The following IQSEC1 variants were observed in gnomAD, a reference collection of about 807,000 sequenced individuals.
IQSEC1 encodes IQ motif and Sec7 domain ArfGEF 1, also known as IQ motif and SEC7 domain-containing protein 1.
IQSEC1 carries 31 observed loss-of-function variants against 91.0 expected under a neutral mutation model. That is an observed-to-expected ratio of 0.34 (90% CI 0.26 to 0.46). The LOEUF (loss-of-function observed/expected upper bound fraction) is 0.46, where lower values mean the gene tolerates loss of function less well. Among genes scored for constraint, IQSEC1 ranks in the 20% least tolerant of loss-of-function variants. IQSEC1 has a pLI of 1.00. For synonymous variants in IQSEC1, 699 were observed against 662.6 expected (o/e 1.05, Z -0.84); for missense variants, 1,388 against 1,575.6 (o/e 0.88, Z 2.02).
Position 13,061,437 on chromosome 3 carries a change from C to T in IQSEC1, c.23+11555G>A, listed in dbSNP as rs532250841. Among the ~76,000 whole-genome samples the T allele has an allele frequency of 3.9e-5, 6 of 152,302 alleles. No individual in the cohort carries two copies. The East Asian group carries it at 9.6e-4, about 24-fold the overall frequency. On this transcript the variant is annotated intron_variant, in intron 1 of 13. Transcript: ENST00000613206. ...AGATAAAATGGTAAGAATAAGTGTTCGTTTATAGGTCCCAGTTGGCAAAGC... is the reference window on the plus strand; with the variant it reads ...AGATAAAATGGTAAGAATAAGTGTTTGTTTATAGGTCCCAGTTGGCAAAGC...
At chr3:12,925,186 C>T (rs1431882759) in intron 3 of IQSEC1, among the ~76,000 whole-genome samples, 3 of 152,210 alleles carry the variant, frequency 2.0e-5, no homozygotes, top group East Asian at 3.8e-4. Context: ...CCCTGTCCGG[C>T]CCAACTCCCT....
intron 1 of IQSEC1, among the ~76,000 whole-genome samples, chr3:13,198,710 C>A (rs953240424): frequency 6.6e-6 from 1 of 152,250 alleles, no homozygotes; most frequent in Non-Finnish European, 1.5e-5. Context: ...GGGCAAGGCA[C>A]TGCCATGTCT....
rs550593420 is a variant in IQSEC1, at chr3:13,123,957, C to T, written c.302+40147G>A. On this transcript the variant is annotated intron_variant, in intron 2 of 15. Transcript: ENST00000648114. ...TTTTGTAAATAAAGTTTTATTGGAA[C>T]GCAGCCACACCTGTTCATTTCTGCA... is the stretch of plus-strand genomic sequence containing the variant. 9.2e-5 allele frequency among the ~76,000 whole-genome samples: 14 copies of T among 152,348 alleles called. No homozygotes were observed. The South Asian group carries it at 1.7e-3, about 18-fold the overall frequency.
intron 1 of IQSEC1, among the ~76,000 whole-genome samples, chr3:13,013,905 A>G (rs1027780740): frequency 4.0e-5 from 6 of 151,560 alleles, no homozygotes; most frequent in Non-Finnish European, 7.4e-5. Flanking sequence ...TTCACAGGTG[A>G]GGACATGAGG....
intron 1 of IQSEC1, chr3:13,015,468 A>G: frequency 1.5e-6 from 1 of 661,560 alleles, no homozygotes; most frequent in Non-Finnish European, 1.9e-6. Context: ...AACTCTGACG[A>G]CAGCCCCCAA....
At chr3:13,234,825 C>G (rs1298740505) in intron 1 of IQSEC1, among the ~76,000 whole-genome samples, 1 of 152,172 alleles carries the variant, frequency 6.6e-6, no homozygotes, top group Non-Finnish European at 1.5e-5. Context: ...ATGTATGCTA[C>G]TATTGAGGTC....
intron 1 of IQSEC1, among the ~76,000 whole-genome samples, chr3:13,223,224 T>C (rs1576300698): frequency 6.6e-6 from 1 of 152,274 alleles, no homozygotes; most frequent in South Asian, 2.1e-4. Context: ...TCCTGCATAA[T>C]TGGCTTCTTC....
chr3:13,045,521 A>T (rs1704462177), intron 1 of IQSEC1, among the ~76,000 whole-genome samples: 1 of 152,148 alleles, frequency 6.6e-6, no homozygotes, highest in Non-Finnish European at 1.5e-5. Context: ...GCACTGGGGC[A>T]TTGGCTCTGA....
At chr3:13,022,028 G>A (rs1022294738) in intron 1 of IQSEC1, 16 of 1,231,274 alleles carry the variant, frequency 1.3e-5, no homozygotes, top group African/African-American at 3.1e-5. Flanking sequence ...CACGCGTCCC[G>A]GTACCTGAGT....
chr3:13,128,042 A>T (rs1706547647), intron 2 of IQSEC1, among the ~76,000 whole-genome samples: 1 of 151,998 alleles, frequency 6.6e-6, no homozygotes, highest in Non-Finnish European at 1.5e-5. Context: ...GAATTCATTC[A>T]TTTTTTTCTG....
chr3:12,934,568 C>T (rs1250474616), intron 3 of IQSEC1, among the ~76,000 whole-genome samples: 2 of 152,106 alleles, frequency 1.3e-5, no homozygotes, highest in African/African-American at 2.4e-5. Flanking sequence ...CAGGAACCAC[C>T]AGCCCAGGGG....
At chr3:12,919,457 C>T (rs532775343) in intron 6 of IQSEC1, among the ~76,000 whole-genome samples, 1 of 152,310 alleles carries the variant, frequency 6.6e-6, no homozygotes, top group East Asian at 1.9e-4. Flanking sequence ...CAGCGGCACC[C>T]GCCACCAGGG....
intron 1 of IQSEC1, among the ~76,000 whole-genome samples, chr3:13,070,115 C>T (rs551993397): frequency 3.9e-5 from 6 of 152,154 alleles, no homozygotes; most frequent in Non-Finnish European, 8.8e-5. Context: ...GGGGGCCCGC[C>T]GGCAGGGCTC....
intron 1 of IQSEC1, among the ~76,000 whole-genome samples, chr3:12,946,718 T>C (rs1699205903): frequency 6.6e-6 from 1 of 152,140 alleles, no homozygotes; most frequent in African/African-American, 2.4e-5. Context: ...ATAAGATGAA[T>C]GTGAGCTGAT....
intron 2 of IQSEC1, among the ~76,000 whole-genome samples, chr3:13,091,860 T>C (rs1314466062): frequency 3.4e-5 from 5 of 148,916 alleles, no homozygotes; most frequent in Admixed American, 6.7e-5. Context: ...ACATCCTCTG[T>C]GGAAGCCTAG....
rs1220386476 is a variant in IQSEC1 at position 13,154,462 on chromosome 3, T to C, written c.302+9642A>G. On this transcript the variant is annotated intron_variant, in intron 2 of 15. Coordinates refer to the IQSEC1 transcript ENST00000648114. Reference sequence around the variant, plus strand: ...GCATATATATATATATATATATATATATATATATATATATGCAAAAACTGA... The same window carrying C: ...GCATATATATATATATATATATATACATATATATATATATGCAAAAACTGA... 7.7e-5 allele frequency among the ~76,000 whole-genome samples: 9 copies of C among 116,434 alleles called. 3 individuals carry two copies. Among genetic ancestry groups the C allele is most frequent in the African/African-American group, 1.7e-4 (5 of 29,384 alleles). 76.4% of individuals were successfully genotyped at this position (116,434 alleles called of 152,430 possible).
chr3:13,203,981 A>G (rs57002667), intron 1 of IQSEC1, among the ~76,000 whole-genome samples: 31,301 of 152,208 alleles, frequency 0.21, 4,167 homozygotes, highest in African/African-American at 0.38. Context: ...CCTGTCTCCA[A>G]GTGAGCCAAA....
intron 1 of IQSEC1, among the ~76,000 whole-genome samples, chr3:13,277,703 G>A (rs1290384240): frequency 6.6e-6 from 1 of 152,218 alleles, no homozygotes; most frequent in Non-Finnish European, 1.5e-5. Context: ...TTGGCTGGGA[G>A]AACAAGAACA....
intron 1 of IQSEC1, among the ~76,000 whole-genome samples, chr3:13,167,534 G>A (rs79824110): frequency 0.016 from 2,368 of 152,186 alleles, 57 homozygotes; most frequent in African/African-American, 0.054. Context: ...GGTGGCCGAG[G>A]AGCTCCCCCA....
Sources: allele counts gnomAD v4.1 joint callset (sites outside exome capture counted in the v4.1 genomes callset), GRCh38; gene constraint gnomAD v4.1.1; transcripts MANE v1.5; gene names NCBI Gene and HGNC (gene_info 2026-07-23, HGNC 2026-07-21).